RIC1: variants seen among roughly 807,000 people sequenced by gnomAD.
RIC1 encodes guanine nucleotide exchange factor subunit RIC1.
A neutral mutation model predicts 169.0 loss-of-function variants in RIC1; 88 were observed. The ratio of observed to expected loss-of-function variants is 0.52; its 90% confidence interval spans 0.44 to 0.62. The LOEUF (loss-of-function observed/expected upper bound fraction) is 0.62. Among genes scored for constraint, RIC1 ranks in the 20% least tolerant of loss-of-function variants. RIC1 has a pLI of 0.00. For missense variants in RIC1, 1,877 were observed against 1,725.5 expected (o/e 1.09, Z -1.56); for synonymous variants, 790 against 601.5 (o/e 1.31, Z -4.59).
At chr9:5,705,011 A>G (rs886748200) in intron 3 of RIC1, among the ~76,000 whole-genome samples, 1 of 152,094 alleles carries the variant, frequency 6.6e-6, no homozygotes, top group African/African-American at 2.4e-5. Context: ...ATTCCATTCC[A>G]TTGATCTGTA....
chr9:5,763,769 T>A lies in RIC1; in HGVS notation c.2742T>A (p.Asn914Lys). 3 of 1,614,200 alleles carry A rather than the reference T, an allele frequency of 1.9e-6. No homozygotes were observed. Among genetic ancestry groups the A allele is most frequent in the Non-Finnish European group, 2.5e-6 (3 of 1,180,024 alleles). ...GGAAGACCGAATATGCCCTGTGGAATTACCTTTTTGCAGCTGTTGGAAACC... is the reference window on the plus strand; with the variant it reads ...GGAAGACCGAATATGCCCTGTGGAAATACCTTTTTGCAGCTGTTGGAAACC... ...CARKTEYALW[N>K]YLFAAVGNPK... Residue 914 changes from asparagine (N) to lysine (K), a missense_variant, in exon 19 of 26, where the codon AAT (asparagine) becomes AAA (lysine). Asn to Lys is a moderately conservative substitution (Grantham distance 94, BLOSUM62 0). Transcript: ENST00000414202. This position sits in a 1 kb window ranked among gnomAD's most constrained non-coding sequence, Gnocchi z 5.2.
intron 6 of RIC1, 71 bp from the exon 7 acceptor site, chr9:5,732,317 G>T: frequency 8.7e-7 from 1 of 1,144,054 alleles, no homozygotes; most frequent in Non-Finnish European, 1.3e-6. Flanking sequence ...GTTTATTGAA[G>T]GAGAATTATA....
At position 5,774,340 on chromosome 9, in the gene RIC1, C is replaced by T; in HGVS notation, c.*94C>T. ...AGTTGGATGATTTAACAGGAGAACT[C>T]AGTTCAGAGACTCTTCGGTAAGTAT... is the stretch of plus-strand genomic sequence containing the variant. On this transcript the variant is annotated 3_prime_UTR_variant, in exon 26 of 26. Transcript: ENST00000414202. The T allele has an allele frequency of 9.2e-7, 1 of 1,087,178 alleles. No homozygotes were observed. The highest frequency in any genetic ancestry group is 2.4e-5 in the East Asian group (1 of 41,648). The allele number at this position is 1,087,178 out of a possible 1,614,324, so 67.3% of individuals were successfully genotyped here. A position where few individuals can be genotyped will look rare whatever the true frequency, so the allele number is the denominator to read the frequency against.
In RIC1 at chr9:5,763,778, T is replaced by G. The variant is rs1563717628; in HGVS notation, c.2751T>G (p.Phe917Leu). 6.2e-7 allele frequency: 1 copy of G among 1,614,210 alleles called. No homozygotes were observed. Among genetic ancestry groups the G allele is most frequent in the Non-Finnish European group, 8.5e-7 (1 of 1,180,018 alleles). The change falls in exon 19 of 26, where the codon TTT becomes TTG. Residue 917 changes from phenylalanine to leucine, a missense_variant. Transcript: ENST00000414202. This position sits in a 1 kb window ranked among gnomAD's most constrained non-coding sequence, Gnocchi z 5.2. Reference protein sequence around the residue: ...KTEYALWNYLFAAVGNPKDLF... With the variant: ...KTEYALWNYLLAAVGNPKDLF... ...AATATGCCCTGTGGAATTACCTTTT[T>G]GCAGCTGTTGGAAACCCTAAGGACT...
chr9:5,674,458 C>G (rs1820315934), intron 2 of RIC1, among the ~76,000 whole-genome samples: 3 of 152,030 alleles, frequency 2.0e-5, no homozygotes, highest in African/African-American at 7.3e-5. Context: ...AACATCTCCA[C>G]AAAGTTCTAG....
intron 3 of RIC1, among the ~76,000 whole-genome samples, chr9:5,711,600 A>G (rs1822929633): frequency 6.6e-6 from 1 of 151,060 alleles, no homozygotes; most frequent in Admixed American, 6.6e-5. Flanking sequence ...TTATACTTTA[A>G]GTTCTAGGGT....
At chr9:5,669,754 T>C (rs1356129237) in intron 2 of RIC1, among the ~76,000 whole-genome samples, 1 of 152,102 alleles carries the variant, frequency 6.6e-6, no homozygotes, top group African/African-American at 2.4e-5. Context: ...CATGGGCAAG[T>C]GGGAATTTAT....
chr9:5,668,606 AT>A (rs1481607380), intron 2 of RIC1, among the ~76,000 whole-genome samples: 1 of 152,018 alleles, frequency 6.6e-6, no homozygotes, highest in Admixed American at 6.5e-5. Context: ...AGATTGCATA[AT>A]TTCAAATGTC....
At chr9:5,723,968 A>G (rs1381731840) in intron 6 of RIC1, among the ~76,000 whole-genome samples, 1 of 152,078 alleles carries the variant, frequency 6.6e-6, no homozygotes, top group South Asian at 2.1e-4. Context: ...GTAGCCTTGT[A>G]GTATAGTTTG....
intron 3 of RIC1, among the ~76,000 whole-genome samples, chr9:5,707,055 A>ACTT (rs1822634862): frequency 6.6e-6 from 1 of 152,042 alleles, no homozygotes; most frequent in Admixed American, 6.5e-5. Context: ...CTCTCTGAGG[A>ACTT]CTTCATTCAC....
At chr9:5,647,437 A>G (rs985164403) in intron 1 of RIC1, among the ~76,000 whole-genome samples, 2 of 152,240 alleles carry the variant, frequency 1.3e-5, no homozygotes, top group African/African-American at 2.4e-5. Context: ...TTTCTAATCC[A>G]TGAACAGAGG....
At chr9:5,666,994 T>G (rs1819810452) in intron 2 of RIC1, among the ~76,000 whole-genome samples, 1 of 152,224 alleles carries the variant, frequency 6.6e-6, no homozygotes, top group Non-Finnish European at 1.5e-5. Context: ...TTTTCTTAAC[T>G]TACCTAGAGG....
intron 1 of RIC1, among the ~76,000 whole-genome samples, chr9:5,656,122 G>A (rs1445457340): frequency 1.3e-5 from 2 of 151,466 alleles, no homozygotes; most frequent in South Asian, 4.2e-4. Context: ...CGCCCACCAT[G>A]GCCTCCCAAA....
rs142553348 is a variant in RIC1 at position 5,645,097 on chromosome 9, T to TA, written c.145-11476dup. Among the ~76,000 whole-genome samples the TA allele has an allele frequency of 5.6e-3, 842 of 149,996 alleles. 8 individuals carry two copies. The highest frequency in any genetic ancestry group is 0.018 in the African/African-American group (739 of 40,962). Reference sequence around the variant, plus strand: ...TATCTATTCAAATCCTTTGTCCATTTAAAAAAAAAACAGTGATCTGATCTT... The same window carrying TA: ...TATCTATTCAAATCCTTTGTCCATTTAAAAAAAAAAACAGTGATCTGATCTT... On this transcript the variant is annotated intron_variant, in intron 1 of 25. Coordinates refer to ENST00000414202, the MANE Select transcript of RIC1 (RefSeq NM_020829.4).
At chr9:5,729,292 A>G (rs1054073468) in intron 6 of RIC1, among the ~76,000 whole-genome samples, 9 of 152,104 alleles carry the variant, frequency 5.9e-5, no homozygotes, top group African/African-American at 2.2e-4. Context: ...GAGTGGAGGT[A>G]GGGTATTTAT....
At chr9:5,765,899 C>A (rs754380131) in intron 21 of RIC1, 101 bp downstream of exon 21, 39 of 1,390,238 alleles carry the variant, frequency 2.8e-5, no homozygotes, top group Non-Finnish European at 3.0e-5. Flanking sequence ...ACTATTTAAT[C>A]CAATTGCAGT....
chr9:5,736,572 A>G (rs1364613455), intron 7 of RIC1, among the ~76,000 whole-genome samples: 1 of 152,210 alleles, frequency 6.6e-6, no homozygotes, highest in Non-Finnish European at 1.5e-5. Flanking sequence ...GCTAGAGTTC[A>G]TAATATAGAC....
At chr9:5,652,905 T>C (rs1818885365) in intron 1 of RIC1, among the ~76,000 whole-genome samples, 1 of 152,222 alleles carries the variant, frequency 6.6e-6, no homozygotes, top group East Asian at 1.9e-4. Context: ...AGAGTTGTTG[T>C]CAAGAATAGA....
chr9:5,662,837 C>A (rs1819536172), intron 2 of RIC1, among the ~76,000 whole-genome samples: 1 of 152,128 alleles, frequency 6.6e-6, no homozygotes, highest in African/African-American at 2.4e-5. Context: ...CTATCTCCTT[C>A]AGTTCTGCTC....
Sources: gnomAD v4.1 joint callset for allele counts (sites outside exome capture counted in the v4.1 genomes callset) on GRCh38, gnomAD v4.1.1 for gene constraint, Gnocchi (gnomAD v3.1) non-coding constraint, MANE v1.5 for transcripts, NCBI Gene and HGNC (gene_info 2026-07-23, HGNC 2026-07-21) for gene names.